The following SEMA3C variants were observed in gnomAD, a reference collection of about 807,000 sequenced individuals.
SEMA3C encodes semaphorin-3C.
Under a neutral mutation model 89.4 loss-of-function variants are expected in SEMA3C, and 47 were observed. The observed-to-expected ratio is 0.53, with a 90% CI of 0.42 to 0.67. The LOEUF (loss-of-function observed/expected upper bound fraction) is 0.67. Ranked by LOEUF, SEMA3C falls within the 30% of genes least tolerant of loss-of-function variation. SEMA3C has a pLI of 0.00. For synonymous variants in SEMA3C, 310 were observed against 320.2 expected (o/e 0.97, Z 0.34); for missense variants, 839 against 929.1 (o/e 0.90, Z 1.26).
intron 2 of SEMA3C, among the ~76,000 whole-genome samples, chr7:80,891,564 C>T (rs1473507403): frequency 6.6e-6 from 1 of 151,696 alleles, no homozygotes; most frequent in Admixed American, 6.6e-5. Context: ...ACATACATGC[C>T]CTTTCTTTGC....
At chr7:80,800,865 T>C in intron 9 of SEMA3C, 39 bp from the exon 10 acceptor site, 2 of 1,356,872 alleles carry the variant, frequency 1.5e-6, no homozygotes, top group South Asian at 1.5e-5. Flanking sequence ...TTTCTAAATA[T>C]TAACTTCTTT....
intron 2 of SEMA3C, among the ~76,000 whole-genome samples, chr7:80,852,405 T>C (rs181215419): frequency 1.2e-3 from 181 of 152,156 alleles, no homozygotes; most frequent in Non-Finnish European, 2.0e-3. Context: ...AATAAAACAT[T>C]AGGGAAACTC....
At chr7:80,905,043 GA>G (rs944300442) in intron 2 of SEMA3C, among the ~76,000 whole-genome samples, 13 of 143,526 alleles carry the variant, frequency 9.1e-5, no homozygotes, top group African/African-American at 2.3e-4. Flanking sequence ...AAAGCACAGA[GA>G]AAAAAAAAAG....
At chr7:80,916,918 C>T (rs1792291426) in intron 1 of SEMA3C, 99 bp from the exon 2 acceptor site, 2 of 948,644 alleles carry the variant, frequency 2.1e-6, no homozygotes, top group East Asian at 5.5e-5. Context: ...ACAAAAGAAC[C>T]ATCTGAACTT....
chr7:80,782,127 T>G (rs1788704858), intron 12 of SEMA3C, among the ~76,000 whole-genome samples: 1 of 152,136 alleles, frequency 6.6e-6, no homozygotes, highest in Non-Finnish European at 1.5e-5. Flanking sequence ...GAAGGTAAAG[T>G]TCTACTCCCT....
intron 2 of SEMA3C, among the ~76,000 whole-genome samples, chr7:80,872,482 C>A (rs1009423890): frequency 6.6e-6 from 1 of 152,038 alleles, no homozygotes; most frequent in Admixed American, 6.6e-5. Flanking sequence ...AGGATTACAT[C>A]TCTTTAATGT....
rs529439695 is a variant in SEMA3C, at chr7:80,815,828, G to A, written c.447+2471C>T. On this transcript the variant is annotated intron_variant, in intron 5 of 17. Transcript: ENST00000265361. ...AAAGTTATCTGCTTGATAAGGGTCA[G>A]GGTCAGGGGAGCTTAATTGGTATCT... 5 of 152,182 alleles carry A rather than the reference G, an allele frequency of 3.3e-5. No homozygotes were observed. The South Asian group carries it at 1.0e-3, about 32-fold the overall frequency. 9.4% of individuals were successfully genotyped at this position (152,182 alleles called of 1,614,324 possible). A position where few individuals can be genotyped will look rare whatever the true frequency, so the allele number is the denominator to read the frequency against.
intron 2 of SEMA3C, among the ~76,000 whole-genome samples, chr7:80,846,350 G>A (rs189989899): frequency 3.6e-4 from 54 of 151,994 alleles, no homozygotes; most frequent in African/African-American, 1.2e-3. Flanking sequence ...CTAACTTTTC[G>A]TTGTTTGTAT....
intron 13 of SEMA3C, among the ~76,000 whole-genome samples, chr7:80,762,371 T>C (rs1370037352): frequency 3.3e-5 from 5 of 152,190 alleles, no homozygotes; most frequent in Non-Finnish European, 7.3e-5. Flanking sequence ...TTAATACTCA[T>C]TGTTGCAAAC....
At chr7:80,919,177 C>T, upstream of SEMA3C, 3 of 984,772 alleles carry the variant, frequency 3.0e-6, no homozygotes, top group Non-Finnish European at 3.6e-6. Flanking sequence ...GCAGCCCCGG[C>T]CGCATCTCCG....
At chr7:80,795,012 A>C (rs959106873) in intron 11 of SEMA3C, among the ~76,000 whole-genome samples, 2 of 152,200 alleles carry the variant, frequency 1.3e-5, no homozygotes, top group Non-Finnish European at 2.9e-5. Context: ...CATTTCTTTA[A>C]GAACACAGCC....
At chr7:80,827,391 T>TG (rs762677466) in intron 4 of SEMA3C, 34 bp downstream of exon 4, 7 of 1,316,426 alleles carry the variant, frequency 5.3e-6, no homozygotes, top group South Asian at 1.5e-5. Context: ...TTTAAGTTAG[T>TG]GTTTTTTTTT....
chr7:80,921,304 T>G (rs753174213), upstream of SEMA3C, among the ~76,000 whole-genome samples: 4 of 152,182 alleles, frequency 2.6e-5, no homozygotes, highest in Non-Finnish European at 5.9e-5. Flanking sequence ...ACGTTTACAG[T>G]TGGCCACACC....
chr7:80,822,179 G>T (rs972916202), intron 4 of SEMA3C, among the ~76,000 whole-genome samples: 2 of 152,080 alleles, frequency 1.3e-5, no homozygotes, highest in Non-Finnish European at 2.9e-5. Context: ...TGCTTTTAAA[G>T]AAAGGAGAGC....
intron 2 of SEMA3C, among the ~76,000 whole-genome samples, chr7:80,898,818 T>C (rs1791802884): frequency 6.7e-6 from 1 of 149,238 alleles, no homozygotes; most frequent in Admixed American, 6.7e-5. Context: ...ATAATTTTTG[T>C]TTGACCAAAA....
upstream of SEMA3C, among the ~76,000 whole-genome samples, chr7:80,919,549 A>T (rs1274565298): frequency 6.8e-6 from 1 of 147,488 alleles, no homozygotes; most frequent in Non-Finnish European, 1.5e-5. Flanking sequence ...TTTTGTCCTT[A>T]TTCTGCTGCG....
At chr7:80,788,300 G>C (rs903163555) in intron 12 of SEMA3C, among the ~76,000 whole-genome samples, 1 of 152,188 alleles carries the variant, frequency 6.6e-6, no homozygotes, top group African/African-American at 2.4e-5. Flanking sequence ...GTTATTGTAA[G>C]TGAAGAGATT....
At chr7:80,867,710 T>G (rs1231825041) in intron 2 of SEMA3C, among the ~76,000 whole-genome samples, 1 of 144,282 alleles carries the variant, frequency 6.9e-6, no homozygotes, top group Non-Finnish European at 1.5e-5. Context: ...TATCGATATG[T>G]ATAAATCATA....
At chr7:80,850,746 T>A (rs1562905253) in intron 2 of SEMA3C, among the ~76,000 whole-genome samples, 1 of 152,200 alleles carries the variant, frequency 6.6e-6, no homozygotes, top group Non-Finnish European at 1.5e-5. Context: ...TTTTTCTGTA[T>A]CTATGCTCAT....
Sources: gnomAD v4.1 joint callset for allele counts (sites outside exome capture counted in the v4.1 genomes callset) on GRCh38, gnomAD v4.1.1 for gene constraint, MANE v1.5 for transcripts, NCBI Gene and HGNC (gene_info 2026-07-23, HGNC 2026-07-21) for gene names.